Variants in CHST11 observed in about 807,000 individuals in gnomAD.
CHST11 encodes the protein C4S-1.
Under a neutral mutation model 30.4 loss-of-function variants are expected in CHST11, and 9 were observed. The observed-to-expected ratio is 0.30, with a 90% CI of 0.18 to 0.52. The LOEUF (loss-of-function observed/expected upper bound fraction) is 0.52, where lower values mean the gene tolerates loss of function less well. CHST11 is among the 20% of genes least tolerant of loss of function. The probability of loss-of-function intolerance (pLI) is 0.97; values close to 1 mark genes in which losing one functional copy is unlikely to be tolerated. For synonymous variants in CHST11, 152 were observed against 187.8 expected (o/e 0.81, Z 1.56); for missense variants, 348 against 460.6 (o/e 0.76, Z 2.24).
intron 2 of CHST11, among the ~76,000 whole-genome samples, chr12:104,617,005 C>T (rs1405214230): frequency 6.6e-6 from 1 of 152,196 alleles, no homozygotes; most frequent in Non-Finnish European, 1.5e-5. Context: ...GTTTATGCAG[C>T]TGTGGAGTAC....
chr12:104,551,770 C>T (rs1316052640), intron 1 of CHST11, among the ~76,000 whole-genome samples: 1 of 152,042 alleles, frequency 6.6e-6, no homozygotes, highest in African/African-American at 2.4e-5. Flanking sequence ...TGAGGCCGTA[C>T]GGAAGTGGTG....
At chr12:104,584,251 T>C (rs2038778530) in intron 1 of CHST11, among the ~76,000 whole-genome samples, 2 of 133,262 alleles carry the variant, frequency 1.5e-5, no homozygotes. Flanking sequence ...TTGTTTTCTT[T>C]CTCTTTCTTC....
At chr12:104,568,799 A>G (rs2038596009) in intron 1 of CHST11, among the ~76,000 whole-genome samples, 1 of 152,234 alleles carries the variant, frequency 6.6e-6, no homozygotes, top group Admixed American at 6.5e-5. Flanking sequence ...ATCCCAGGCA[A>G]TATGGCTTTA....
chr12:104,543,711 CT>C (rs1366270333), intron 1 of CHST11, among the ~76,000 whole-genome samples: 1 of 152,162 alleles, frequency 6.6e-6, no homozygotes, highest in Non-Finnish European at 1.5e-5. Flanking sequence ...TCACTGTATA[CT>C]TTTTTTCACC....
intron 2 of CHST11, among the ~76,000 whole-genome samples, chr12:104,630,192 CCA>C (rs987979861): frequency 6.6e-6 from 1 of 152,128 alleles, no homozygotes; most frequent in Admixed American, 6.6e-5. Context: ...CAGGTCCTGT[CCA>C]CACTCAAAGG....
chr12:104,668,981 A>C (rs541427696), intron 2 of CHST11, among the ~76,000 whole-genome samples: 22 of 151,240 alleles, frequency 1.5e-4, no homozygotes, highest in African/African-American at 4.9e-4. Flanking sequence ...GGGTTCCAGA[A>C]ATGAAGGCCT....
At chr12:104,588,710 C>G (rs1386626548) in intron 1 of CHST11, 1 of 152,516 alleles carries the variant, frequency 6.6e-6, no homozygotes, top group Non-Finnish European at 1.5e-5. Flanking sequence ...TGCTCCATTG[C>G]CCACCTGCCA....
chr12:104,502,424 T>TAAAG (rs541866345), intron 1 of CHST11, among the ~76,000 whole-genome samples: 25 of 152,168 alleles, frequency 1.6e-4, no homozygotes, highest in Non-Finnish European at 2.8e-4. Flanking sequence ...ACTCAGTTAA[T>TAAAG]AAAGATGTAC....
chr12:104,514,416 T>C, intron 1 of CHST11: 1 of 906,302 alleles, frequency 1.1e-6, no homozygotes, highest in East Asian at 2.4e-5. Flanking sequence ...GATGGTTGCC[T>C]TCCTCATCCT....
At chr12:104,548,866 A>G (rs2038378174) in intron 1 of CHST11, among the ~76,000 whole-genome samples, 1 of 152,230 alleles carries the variant, frequency 6.6e-6, no homozygotes, top group Non-Finnish European at 1.5e-5. Flanking sequence ...TTCAAGTAGA[A>G]TGGATTATTT....
chr12:104,557,492 G>A (rs1282745353), intron 1 of CHST11, among the ~76,000 whole-genome samples: 1 of 152,104 alleles, frequency 6.6e-6, no homozygotes, highest in Non-Finnish European at 1.5e-5. Context: ...GGGGACAGGA[G>A]AAGGGGGGCA....
chr12:104,747,484 T>C (rs1406473023), intron 2 of CHST11, among the ~76,000 whole-genome samples: 2 of 152,160 alleles, frequency 1.3e-5, no homozygotes, highest in African/African-American at 2.4e-5. Context: ...TTGCTGTGGA[T>C]GTGGTGTCTT....
chr12:104,695,579 G>T (rs1320458007), intron 2 of CHST11, among the ~76,000 whole-genome samples: 3 of 152,204 alleles, frequency 2.0e-5, no homozygotes, highest in Middle Eastern at 3.2e-3. Context: ...CCAGCTGCAA[G>T]CGGGGAGCTT....
chr12:104,681,588 T>G (rs1362954210), intron 2 of CHST11, among the ~76,000 whole-genome samples: 1 of 152,196 alleles, frequency 6.6e-6, no homozygotes, highest in Non-Finnish European at 1.5e-5. Context: ...CTCAAGCTGC[T>G]TTTTAAAAAA....
intron 1 of CHST11, among the ~76,000 whole-genome samples, chr12:104,538,766 A>T (rs1273723096): frequency 6.6e-6 from 1 of 152,224 alleles, no homozygotes; most frequent in Non-Finnish European, 1.5e-5. Context: ...CTAATTCAGC[A>T]TTATAACATC....
intron 2 of CHST11, among the ~76,000 whole-genome samples, chr12:104,704,001 G>A (rs909535172): frequency 6.6e-6 from 1 of 152,208 alleles, no homozygotes; most frequent in Non-Finnish European, 1.5e-5. Context: ...CTGGTTCGTA[G>A]CTGATTCTCC....
At chr12:104,650,390 A>G (rs549141874) in intron 2 of CHST11, among the ~76,000 whole-genome samples, 5 of 152,156 alleles carry the variant, frequency 3.3e-5, no homozygotes, top group African/African-American at 1.2e-4. Flanking sequence ...GTGTTTTTCT[A>G]CCAGGTAGAG....
At chr12:104,633,858 T>C (rs1463122555) in intron 2 of CHST11, among the ~76,000 whole-genome samples, 1 of 152,172 alleles carries the variant, frequency 6.6e-6, no homozygotes, top group Non-Finnish European at 1.5e-5. Flanking sequence ...TGCATCTTCC[T>C]GTCCTCTGCC....
chr12:104,713,576 G>A (rs1315634875), intron 2 of CHST11, among the ~76,000 whole-genome samples: 1 of 152,112 alleles, frequency 6.6e-6, no homozygotes. Flanking sequence ...GCAGCTAAAG[G>A]GTAGGTAACA....
Sources: gnomAD v4.1 joint callset for allele counts (sites outside exome capture counted in the v4.1 genomes callset) on GRCh38, gnomAD v4.1.1 for gene constraint, MANE v1.5 for transcripts, NCBI Gene and HGNC (gene_info 2026-07-23, HGNC 2026-07-21) for gene names.